Variants in DSCAM observed in about 807,000 individuals in gnomAD.
DSCAM encodes the protein cell adhesion molecule DSCAM.
Under a neutral mutation model 217.7 loss-of-function variants are expected in DSCAM, and 47 were observed. The observed-to-expected ratio is 0.22, with a 90% confidence interval of 0.17 to 0.28. DSCAM has a LOEUF of 0.28. Among genes scored for constraint, DSCAM ranks in the 10% least tolerant of loss-of-function variants. The probability of loss-of-function intolerance (pLI) is 1.00; values close to 1 mark genes in which losing one functional copy is unlikely to be tolerated. For synonymous variants in DSCAM, 1,056 were observed against 1,015.3 expected (o/e 1.04, Z -0.76); for missense variants, 2,080 against 2,618.3 (o/e 0.79, Z 4.49).
Position 40,815,158 on chromosome 21 carries a change from G to C in DSCAM, c.43+31461C>G, listed in dbSNP as rs141139318. Among the ~76,000 whole-genome samples, 185 of 152,208 alleles carry C rather than the reference G, an allele frequency of 1.2e-3. 3 individuals are homozygous for C. The East Asian group carries it at 0.026, about 21-fold the overall frequency. On this transcript the variant is annotated intron_variant, in intron 1 of 32. Coordinates refer to ENST00000400454, the MANE Select transcript of DSCAM (RefSeq NM_001389.5). ...CCTTCAGGTCATTGCCATTTTGTTA[G>C]TTCCAGTTCCCAAAGAAAAAAGGTA...
chr21:40,700,720 ATTCTTTCT>A (rs1285360157), intron 2 of DSCAM, among the ~76,000 whole-genome samples: 10 of 148,362 alleles, frequency 6.7e-5, no homozygotes, highest in Admixed American at 4.7e-4. Flanking sequence ...TATAATTTTT[ATTCTTTCT>A]TTCTTTCTTT....
rs919770245 is a variant in DSCAM at position 40,487,314 on chromosome 21, T to C, written c.509-118069A>G. On this transcript the variant is annotated intron_variant, in intron 3 of 32. Transcript: ENST00000400454. ...GTGCGTGTGTGCGTGCGTGTGTGTG[T>C]GTGTGTGTGTGTGAGAGAGAGAGAG... Among the ~76,000 whole-genome samples the C allele has an allele frequency of 2.6e-5, 3 of 116,206 alleles. No individual in the cohort carries two copies. In the Admixed American group the frequency reaches 2.7e-4, roughly 10 times the overall value. The allele number at this position is 116,206 out of a possible 152,430, so 76.2% of individuals were successfully genotyped here. A position where few individuals can be genotyped will look rare whatever the true frequency, so the allele number is the denominator to read the frequency against.
At chr21:40,845,941 T>G (rs1490416016) in intron 1 of DSCAM, among the ~76,000 whole-genome samples, 1 of 151,982 alleles carries the variant, frequency 6.6e-6, no homozygotes, top group Admixed American at 6.6e-5. Flanking sequence ...TGGCTGGGCA[T>G]GAGGAAATGT....
At chr21:40,312,444 T>C in intron 8 of DSCAM, 85 bp from the exon 9 acceptor site, 3 of 1,463,580 alleles carry the variant, frequency 2.0e-6, no homozygotes, top group Non-Finnish European at 2.8e-6. Context: ...ACTGAAAGGG[T>C]AGTACAGACG....
At chr21:40,067,701 TTCCCC>T (rs1389907760) in intron 27 of DSCAM, among the ~76,000 whole-genome samples, 2 of 126,334 alleles carry the variant, frequency 1.6e-5, no homozygotes, top group Non-Finnish European at 3.2e-5. Flanking sequence ...AGTTTCTCCC[TTCCCC>T]TCCCCTCCCC....
intron 20 of DSCAM, among the ~76,000 whole-genome samples, chr21:40,118,403 T>C (rs1394437755): frequency 1.3e-5 from 2 of 152,122 alleles, no homozygotes; most frequent in Non-Finnish European, 2.9e-5. Flanking sequence ...CTGGCCAACA[T>C]GGTGAAAACC....
intron 1 of DSCAM, among the ~76,000 whole-genome samples, chr21:40,717,421 G>A (rs1159723700): frequency 6.6e-6 from 1 of 152,246 alleles, no homozygotes; most frequent in African/African-American, 2.4e-5. Context: ...GCCAATGGTG[G>A]AAACAGCCTA....
chr21:40,747,536 T>C (rs2091187249), intron 1 of DSCAM, among the ~76,000 whole-genome samples: 1 of 151,698 alleles, frequency 6.6e-6, no homozygotes, highest in Non-Finnish European at 1.5e-5. Flanking sequence ...AGACCAATAA[T>C]GAATAACCAT....
chr21:40,363,707 C>T (rs899943981), intron 4 of DSCAM, among the ~76,000 whole-genome samples: 1 of 152,122 alleles, frequency 6.6e-6, no homozygotes, highest in Non-Finnish European at 1.5e-5. Flanking sequence ...AGATCTTCTG[C>T]ACAGCAAAAG....
chr21:40,182,618 G>A lies in DSCAM; in HGVS notation c.2780-3524C>T, dbSNP rs149168964. Among the ~76,000 whole-genome samples the A allele has an allele frequency of 4.3e-3, 599 of 138,740 alleles. 11 individuals carry two copies. Among genetic ancestry groups the A allele is most frequent in the African/African-American group, 0.017 (559 of 33,652 alleles). The allele number at this position is 138,740 out of a possible 152,430, so 91.0% of individuals were successfully genotyped here. A position where few individuals can be genotyped will look rare whatever the true frequency, so the allele number is the denominator to read the frequency against. On this transcript the variant is annotated intron_variant, in intron 14 of 32. Transcript: ENST00000400454. ...CCAGCAGAGAAACCGTGGACAGAAC[G>A]GGCCACCAGAGAAACCGTGGACAGG...
intron 3 of DSCAM, among the ~76,000 whole-genome samples, chr21:40,474,356 C>T (rs144628393): frequency 5.6e-4 from 85 of 151,990 alleles, no homozygotes; most frequent in African/African-American, 1.9e-3. Context: ...ATATTCAGTA[C>T]TGGAAAATTC....
chr21:40,714,339 A>C (rs2146494492), intron 1 of DSCAM, among the ~76,000 whole-genome samples: 1 of 152,270 alleles, frequency 6.6e-6, no homozygotes, highest in South Asian at 2.1e-4. Flanking sequence ...TGCAGACATA[A>C]GACTCCAACC....
chr21:40,766,477 A>G (rs903013148), intron 1 of DSCAM, among the ~76,000 whole-genome samples: 5 of 151,954 alleles, frequency 3.3e-5, no homozygotes, highest in African/African-American at 1.2e-4. Context: ...ATTAACATTG[A>G]GGCTTGGTAT....
chr21:40,113,663 C>T, intron 20 of DSCAM, among the ~76,000 whole-genome samples: 1 of 152,090 alleles, frequency 6.6e-6, no homozygotes, highest in Non-Finnish European at 1.5e-5. Context: ...CTAGAAAACC[C>T]CATCGTCTCA....
chr21:40,135,557 T>A (rs1030519296), intron 18 of DSCAM, among the ~76,000 whole-genome samples: 4 of 152,144 alleles, frequency 2.6e-5, no homozygotes, highest in African/African-American at 9.7e-5. Context: ...GGGCTGAAAA[T>A]GGAGGCACCC....
chr21:40,083,846 C>T, intron 24 of DSCAM, 62 bp downstream of exon 24: 1 of 1,347,608 alleles, frequency 7.4e-7, no homozygotes, highest in Non-Finnish European at 1.0e-6. Flanking sequence ...GAAGATGTGT[C>T]ACTTATTGGC....
chr21:40,679,764 T>G (rs908032076), intron 3 of DSCAM, among the ~76,000 whole-genome samples: 1 of 152,236 alleles, frequency 6.6e-6, no homozygotes, highest in African/African-American at 2.4e-5. Flanking sequence ...AGTTGTTTAT[T>G]TTAAAATCCT....
chr21:40,123,113 G>A (rs1406750410), intron 20 of DSCAM, among the ~76,000 whole-genome samples: 1 of 152,178 alleles, frequency 6.6e-6, no homozygotes, highest in East Asian at 1.9e-4. Context: ...GAGACAGAAA[G>A]TAGAATGGTG....
intron 3 of DSCAM, among the ~76,000 whole-genome samples, chr21:40,429,818 A>G (rs928523405): frequency 6.6e-6 from 1 of 152,206 alleles, no homozygotes; most frequent in African/African-American, 2.4e-5. Flanking sequence ...TATTTGATAA[A>G]CACTTTCTGG....
Sources: gnomAD v4.1 joint callset for allele counts (sites outside exome capture counted in the v4.1 genomes callset) on GRCh38, gnomAD v4.1.1 for gene constraint, MANE v1.5 for transcripts, NCBI Gene and HGNC (gene_info 2026-07-23, HGNC 2026-07-21) for gene names.